Variants in CAPN13 observed in about 807,000 individuals in gnomAD.
CAPN13 encodes calpain 13.
In CAPN13, 90 loss-of-function variants were observed where a neutral mutation model predicts 98.4. That is an observed-to-expected ratio of 0.92 (90% CI 0.77 to 1.09). The LOEUF is 1.09. Among genes scored for constraint, CAPN13 ranks in the 50% least tolerant of loss-of-function variants. The pLI, the probability that CAPN13 is intolerant of heterozygous loss-of-function variation, is 0.00. For missense variants in CAPN13, 887 were observed against 841.3 expected, an observed-to-expected ratio of 1.05 and a Z score of -0.67; for synonymous variants, 330 against 305.5, an observed-to-expected ratio of 1.08 and a Z score of -0.84.
intron 22 of CAPN13, among the ~76,000 whole-genome samples, chr2:30,725,063 G>A (rs1347134761): frequency 6.6e-6 from 1 of 152,110 alleles, no homozygotes; most frequent in East Asian, 1.9e-4. Context: ...GCATTTTACT[G>A]GCATATTGAT....
intron 1 of CAPN13, among the ~76,000 whole-genome samples, chr2:30,802,548 G>T (rs905245690): frequency 7.6e-4 from 114 of 149,450 alleles, no homozygotes; most frequent in South Asian, 3.2e-3. Flanking sequence ...AGGCTGGGGG[G>T]GGGGGGTGGT....
chr2:30,762,707 C>A (rs1672908128), intron 7 of CAPN13, among the ~76,000 whole-genome samples: 1 of 152,226 alleles, frequency 6.6e-6, no homozygotes, highest in South Asian at 2.1e-4. Context: ...TTTGTTACAA[C>A]AATTTAGCTT....
At chr2:30,784,188 G>GA (rs57994890) in intron 2 of CAPN13, among the ~76,000 whole-genome samples, 15,427 of 145,588 alleles carry the variant, frequency 0.11, 2,440 homozygotes, top group African/African-American at 0.35. Context: ...TCAAAAAAAA[G>GA]AAAAAAAAAA....
intron 12 of CAPN13, among the ~76,000 whole-genome samples, chr2:30,745,432 G>C (rs906739140): frequency 6.6e-6 from 1 of 152,164 alleles, no homozygotes; most frequent in African/African-American, 2.4e-5. Context: ...TAAATAAAAA[G>C]GAACCATCTC....
intron 2 of CAPN13, among the ~76,000 whole-genome samples, chr2:30,784,265 T>A (rs190245682): frequency 6.6e-6 from 1 of 151,644 alleles, no homozygotes; most frequent in South Asian, 2.1e-4. Flanking sequence ...CTGACCCACA[T>A]TTTTCCCTGA....
Position 30,781,187 on chromosome 2 carries a change from C to A in CAPN13, c.199-3548G>T, listed in dbSNP as rs558921004. Among the ~76,000 whole-genome samples, 106 of 152,250 alleles carry A rather than the reference C, an allele frequency of 7.0e-4. 1 individual carries two copies. The highest frequency in any genetic ancestry group is 2.3e-3 in the African/African-American group (95 of 41,536). The stretch of plus-strand genomic sequence containing the variant: ...AAGGAGCAGCTTCAGAGAAGTTGAC[C>A]GATTTGTTCCAGGTCACACAAGAAA... On this transcript the variant is annotated intron_variant, in intron 2 of 22. Coordinates refer to ENST00000295055, the MANE Select transcript of CAPN13 (RefSeq NM_144575.3).
At chr2:30,752,535 G>T (rs1397953350) in intron 10 of CAPN13, among the ~76,000 whole-genome samples, 1 of 152,186 alleles carries the variant, frequency 6.6e-6, no homozygotes, top group Non-Finnish European at 1.5e-5. Flanking sequence ...CCAAGACAGG[G>T]CAGGGATAGT....
intron 2 of CAPN13, 79 bp from the exon 3 acceptor site, chr2:30,777,718 C>T: frequency 8.2e-7 from 1 of 1,221,650 alleles, no homozygotes; most frequent in Non-Finnish European, 1.2e-6. Context: ...CTTTGTCTTT[C>T]AAGGGTCGAG....
chr2:30,732,307 C>A (rs1007651548), intron 20 of CAPN13, 131 bp downstream of exon 20: 18 of 1,145,042 alleles, frequency 1.6e-5, no homozygotes, highest in Middle Eastern at 2.9e-4. Flanking sequence ...GTTGGCACCT[C>A]ACACAGGCTG....
chr2:30,805,082 C>T (rs1675532298), intron 1 of CAPN13, among the ~76,000 whole-genome samples: 2 of 152,148 alleles, frequency 1.3e-5, no homozygotes, highest in South Asian at 2.1e-4. Flanking sequence ...AGGTGCCAAG[C>T]CTCTAGCAAT....
chr2:30,781,392 T>C (rs1673976785), intron 2 of CAPN13, among the ~76,000 whole-genome samples: 1 of 152,200 alleles, frequency 6.6e-6, no homozygotes, highest in African/African-American at 2.4e-5. Flanking sequence ...TATACCATCC[T>C]AACTGCATCA....
intron 2 of CAPN13, among the ~76,000 whole-genome samples, chr2:30,784,902 G>A (rs1054404268): frequency 1.3e-5 from 2 of 152,198 alleles, no homozygotes; most frequent in African/African-American, 2.4e-5. Flanking sequence ...CTCTGTGGGT[G>A]TGGCCATTAC....
At chr2:30,778,410 G>A (rs542007426) in intron 2 of CAPN13, among the ~76,000 whole-genome samples, 2 of 152,308 alleles carry the variant, frequency 1.3e-5, no homozygotes, top group East Asian at 3.9e-4. Context: ...CCAGGCCACA[G>A]GTCTGGCTTC....
At chr2:30,735,938 A>C (rs1671341134) in intron 18 of CAPN13, among the ~76,000 whole-genome samples, 1 of 152,112 alleles carries the variant, frequency 6.6e-6, no homozygotes, top group South Asian at 2.1e-4. Flanking sequence ...GGCAGGCTGA[A>C]GGGGCACAGG....
chr2:30,779,644 C>T (rs1673887151), intron 2 of CAPN13, among the ~76,000 whole-genome samples: 1 of 152,096 alleles, frequency 6.6e-6, no homozygotes, highest in South Asian at 2.1e-4. Context: ...CCCATAGCCT[C>T]AGATGCATTC....
intron 15 of CAPN13, among the ~76,000 whole-genome samples, chr2:30,740,709 G>A (rs1312539978): frequency 6.6e-6 from 1 of 152,232 alleles, no homozygotes; most frequent in African/African-American, 2.4e-5. Flanking sequence ...GAGGAACTTG[G>A]CTGTTGTTTG....
intron 22 of CAPN13, among the ~76,000 whole-genome samples, chr2:30,724,281 C>T (rs549877316): frequency 4.6e-5 from 7 of 152,288 alleles, no homozygotes; most frequent in Admixed American, 3.3e-4. Flanking sequence ...TAATAACTAC[C>T]TCACTTTTTT....
chr2:30,723,902 A>T (rs1279313111), intron 22 of CAPN13, among the ~76,000 whole-genome samples: 1 of 152,168 alleles, frequency 6.6e-6, no homozygotes, highest in Non-Finnish European at 1.5e-5. Context: ...GAAAATTCAA[A>T]GAGTACTACA....
At chr2:30,745,814 A>C in intron 11 of CAPN13, 80 bp from the exon 12 acceptor site, 185 of 1,226,210 alleles carry the variant, frequency 1.5e-4, no homozygotes, top group Non-Finnish European at 2.0e-4. Flanking sequence ...AGCTTGGCTC[A>C]TTGGTTTCAT....
Sources: allele counts gnomAD v4.1 joint callset (sites outside exome capture counted in the v4.1 genomes callset), GRCh38; gene constraint gnomAD v4.1.1; transcripts MANE v1.5; gene names NCBI Gene and HGNC (gene_info 2026-07-23, HGNC 2026-07-21).